GLIS1: variants seen among roughly 807,000 people sequenced by gnomAD.
GLIS1 encodes the protein zinc finger protein GLIS1.
A neutral mutation model predicts 63.8 loss-of-function variants in GLIS1; 24 were observed. The ratio of observed to expected loss-of-function variants is 0.38; its 90% CI spans 0.27 to 0.53. The LOEUF is 0.53. Ranked by LOEUF, GLIS1 falls within the 20% of genes least tolerant of loss-of-function variation. The pLI, the probability that GLIS1 is intolerant of heterozygous loss-of-function variation, is 0.85. For synonymous variants in GLIS1, 450 were observed against 482.5 expected, an observed-to-expected ratio of 0.93 and a Z score of 0.88; for missense variants, 1,036 against 1,074.1, an observed-to-expected ratio of 0.96 and a Z score of 0.50.
intron 2 of GLIS1, among the ~76,000 whole-genome samples, chr1:53,644,747 G>A (rs1645824350): frequency 1.3e-5 from 2 of 152,246 alleles, no homozygotes; most frequent in South Asian, 2.1e-4. Flanking sequence ...CATTTGGGGG[G>A]CCCCGGGGTC....
At chr1:53,579,188 G>A (rs1265572808) in intron 4 of GLIS1, among the ~76,000 whole-genome samples, 1 of 152,224 alleles carries the variant, frequency 6.6e-6, no homozygotes, top group Non-Finnish European at 1.5e-5. Context: ...CAAAGGCAGA[G>A]GTGCTGGAAC....
At chr1:53,662,208 C>T (rs1413734900) in intron 2 of GLIS1, among the ~76,000 whole-genome samples, 2 of 152,196 alleles carry the variant, frequency 1.3e-5, no homozygotes, top group Non-Finnish European at 2.9e-5. Context: ...AGGGGATGTT[C>T]TTCCCTGGTT....
At chr1:53,654,379 G>T (rs1390776575) in intron 2 of GLIS1, among the ~76,000 whole-genome samples, 1 of 152,182 alleles carries the variant, frequency 6.6e-6, no homozygotes, top group Admixed American at 6.5e-5. Flanking sequence ...GAGCAGGTCG[G>T]GGGCCGGAAC....
chr1:53,547,928 T>C (rs1244586875), intron 4 of GLIS1, among the ~76,000 whole-genome samples: 1 of 152,214 alleles, frequency 6.6e-6, no homozygotes, highest in Non-Finnish European at 1.5e-5. Context: ...AGGGAGGACT[T>C]GGTTTTTTCA....
intron 2 of GLIS1, among the ~76,000 whole-genome samples, chr1:53,641,316 T>C (rs190346120): frequency 1.1e-3 from 171 of 152,266 alleles, no homozygotes; most frequent in Non-Finnish European, 1.4e-3. Context: ...AGGGTTGTCC[T>C]AGAGATTAAA....
At chr1:53,577,900 A>T (rs1314039306) in intron 4 of GLIS1, among the ~76,000 whole-genome samples, 1 of 151,974 alleles carries the variant, frequency 6.6e-6, no homozygotes, top group Non-Finnish European at 1.5e-5. Context: ...AGGCTTCGTT[A>T]ACTCACACCC....
At chr1:53,595,032 G>A (rs750259766) in intron 3 of GLIS1, 42 bp from the exon 4 acceptor site, 30 of 1,388,892 alleles carry the variant, frequency 2.2e-5, no homozygotes, top group Admixed American at 6.7e-5. Flanking sequence ...GGCTGGGCTC[G>A]CCACAGAGGG....
At chr1:53,517,069 A>T (rs1644360127) in intron 7 of GLIS1, among the ~76,000 whole-genome samples, 1 of 152,216 alleles carries the variant, frequency 6.6e-6, no homozygotes, top group South Asian at 2.1e-4. Context: ...TTCCATTTTA[A>T]GATGAGGAAA....
At chr1:53,736,110 T>C (rs1379066547) in intron 2 of GLIS1, among the ~76,000 whole-genome samples, 1 of 152,198 alleles carries the variant, frequency 6.6e-6, no homozygotes, top group East Asian at 1.9e-4. Context: ...GAAGAAAAGT[T>C]GTGAAACCTC....
intron 2 of GLIS1, among the ~76,000 whole-genome samples, chr1:53,719,939 G>A (rs1194603324): frequency 2.6e-5 from 4 of 152,160 alleles, no homozygotes; most frequent in Admixed American, 2.6e-4. Context: ...ACTTTGGGAG[G>A]CTGGGGCAGG....
intron 2 of GLIS1, among the ~76,000 whole-genome samples, chr1:53,664,097 C>T (rs911686281): frequency 1.1e-4 from 16 of 152,178 alleles, no homozygotes; most frequent in Non-Finnish European, 2.2e-4. Flanking sequence ...CAGCTAGAAT[C>T]GAAAATAACC....
intron 2 of GLIS1, among the ~76,000 whole-genome samples, chr1:53,727,397 C>G (rs1263826896): frequency 6.6e-6 from 1 of 152,138 alleles, no homozygotes; most frequent in Non-Finnish European, 1.5e-5. Flanking sequence ...CAAGAGCTAC[C>G]ATCCTCTGGC....
chr1:53,685,733 T>C (rs895297627), intron 2 of GLIS1, among the ~76,000 whole-genome samples: 1 of 152,186 alleles, frequency 6.6e-6, no homozygotes, highest in African/African-American at 2.4e-5. Flanking sequence ...TAGTGGGTCC[T>C]AACCCATCCC....
At position 53,693,604 on chromosome 1, in the gene GLIS1, C is replaced by G. The variant is rs1225318126; in HGVS notation, c.259+44202G>C. Among the ~76,000 whole-genome samples, 5 of 152,328 alleles carry G rather than the reference C, an allele frequency of 3.3e-5. No homozygotes were observed. The East Asian group carries it at 9.7e-4, about 29-fold the overall frequency. On this transcript the variant is annotated intron_variant, in intron 2 of 10. Transcript: ENST00000628545. ...CAGATCCAAATTTCCATTCCCTCAG[C>G]AGCATGAGCTCAGTGGGGAGGAAGG...
chr1:53,508,450 AG>A (rs1644260506), intron 10 of GLIS1, among the ~76,000 whole-genome samples: 1 of 152,186 alleles, frequency 6.6e-6, no homozygotes, highest in Non-Finnish European at 1.5e-5. Context: ...ACCTCCTGTT[AG>A]ACCTGGGCCC....
intron 2 of GLIS1, among the ~76,000 whole-genome samples, chr1:53,645,846 A>T (rs1210963557): frequency 6.6e-6 from 1 of 152,208 alleles, no homozygotes; most frequent in Non-Finnish European, 1.5e-5. Context: ...TGCTTGCAGG[A>T]AGTAGAGCTG....
rs764642194 is a variant in GLIS1 at position 53,509,190 on chromosome 1, C to T, written c.2160G>A (p.Gly720=). ...GCAGGGGGTTGAAACCGTGGGTCTCCCCGACCAGTCCGTCCCCACCGGCTG... is the reference window on the plus strand; with the variant it reads ...GCAGGGGGTTGAAACCGTGGGTCTCTCCGACCAGTCCGTCCCCACCGGCTG... ...EPAAGGDGLV[G]ETHGFNPLRP... Residue 720 remains glycine, a synonymous_variant, in exon 10 of 11, where the codon GGG becomes GGA. Coordinates refer to ENST00000628545, the MANE Select transcript of GLIS1 (RefSeq NM_001367484.1). The T allele has an allele frequency of 4.4e-6, 7 of 1,600,178 alleles. No individual in the cohort carries two copies. The East Asian group carries it at 1.6e-4, about 36-fold the overall frequency.
intron 2 of GLIS1, among the ~76,000 whole-genome samples, chr1:53,600,953 G>A (rs1645311210): frequency 6.6e-6 from 1 of 152,222 alleles, no homozygotes; most frequent in South Asian, 2.1e-4. Context: ...TGATGTGAAA[G>A]TGCTGAAAAA....
rs1279993148 is a variant in GLIS1 at position 53,539,943 on chromosome 1, C to T, written c.1321-9991G>A. ...CCCCACGCTGCAGCCACAGGCCACACATTGCCGCCTCCACGCCTTTGCCCA... is the reference window on the plus strand; with the variant it reads ...CCCCACGCTGCAGCCACAGGCCACATATTGCCGCCTCCACGCCTTTGCCCA... On this transcript the variant is annotated intron_variant, in intron 4 of 10. Coordinates refer to ENST00000628545, the MANE Select transcript of GLIS1 (RefSeq NM_001367484.1). The surrounding 1 kb of genome is among the most constrained non-coding windows in gnomAD (Gnocchi z 5.0). Among the ~76,000 whole-genome samples, 3 of 152,348 alleles carry T rather than the reference C, an allele frequency of 2.0e-5. No individual in the cohort carries two copies. In the East Asian group the frequency reaches 5.8e-4, roughly 29 times the overall value.
Sources: allele counts gnomAD v4.1 joint callset (sites outside exome capture counted in the v4.1 genomes callset), GRCh38; gene constraint gnomAD v4.1.1; non-coding constraint Gnocchi (gnomAD v3.1); transcripts MANE v1.5; gene names NCBI Gene and HGNC (gene_info 2026-07-23, HGNC 2026-07-21).